SLC2A9: variants seen among roughly 807,000 people sequenced by gnomAD.
SLC2A9 encodes solute carrier family 2, facilitated glucose transporter member 9.
Under a neutral mutation model 50.6 loss-of-function variants are expected in SLC2A9, and 39 were observed. The observed-to-expected ratio is 0.77, with a 90% CI of 0.60 to 1.01. SLC2A9 has a LOEUF of 1.01. Ranked by LOEUF, SLC2A9 falls within the 50% of genes least tolerant of loss-of-function variation. The pLI, the probability that SLC2A9 is intolerant of heterozygous loss-of-function variation, is 0.00. For missense variants in SLC2A9, 686 were observed against 677.6 expected (o/e 1.01, Z -0.14); for synonymous variants, 324 against 276.9 (o/e 1.17, Z -1.69).
downstream of SLC2A9, among the ~76,000 whole-genome samples, chr4:9,823,736 A>G (rs937342953): frequency 8.5e-5 from 13 of 152,230 alleles, 1 homozygote; most frequent in Non-Finnish European, 1.3e-4. Flanking sequence ...ACTGGAGTAA[A>G]TATCAGAGTA....
At chr4:9,919,466 C>T (rs1246800217) in intron 7 of SLC2A9, among the ~76,000 whole-genome samples, 1 of 152,186 alleles carries the variant, frequency 6.6e-6, no homozygotes, top group African/African-American at 2.4e-5. Flanking sequence ...CTCCCCTTCA[C>T]ATCACCTTCC....
chr4:9,992,150 C>G (rs1447555958), intron 3 of SLC2A9, among the ~76,000 whole-genome samples: 1 of 152,180 alleles, frequency 6.6e-6, no homozygotes, highest in Non-Finnish European at 1.5e-5. Context: ...GGAGGAGTTC[C>G]TCAAATTTCC....
intron 5 of SLC2A9, among the ~76,000 whole-genome samples, chr4:9,978,495 A>G (rs1373579404): frequency 6.6e-6 from 1 of 152,190 alleles, no homozygotes; most frequent in African/African-American, 2.4e-5. Context: ...TTGACTTTTA[A>G]ATGTATTTTT....
chr4:10,010,895 C>T lies in SLC2A9; in HGVS notation c.249+8080G>A, dbSNP rs551132811. 4.6e-5 allele frequency among the ~76,000 whole-genome samples: 7 copies of T among 152,212 alleles called. No homozygotes were observed. In the East Asian group the frequency reaches 5.8e-4, roughly 13 times the overall value. On this transcript the variant is annotated intron_variant, in intron 2 of 11. Transcript: ENST00000264784. ...CTCAACTTTGGTCCTTTTTTCTTGGCGACTTTTCTTAATGTCCATCCCCCA... is the reference window on the plus strand; with the variant it reads ...CTCAACTTTGGTCCTTTTTTCTTGGTGACTTTTCTTAATGTCCATCCCCCA...
chr4:9,794,344 TG>T (rs1385640113), downstream of SLC2A9, among the ~76,000 whole-genome samples: 5 of 152,156 alleles, frequency 3.3e-5, no homozygotes, highest in African/African-American at 1.2e-4. Flanking sequence ...TTAGTAGAGA[TG>T]GGGTTTCACC....
At chr4:9,810,192 A>G (rs1369152975) in intron 3 of SLC2A9, among the ~76,000 whole-genome samples, 5 of 152,064 alleles carry the variant, frequency 3.3e-5, no homozygotes. Context: ...CTTTACCACC[A>G]TATGTCCAAC....
chr4:9,781,948 C>A, intron 3 of SLC2A9: 2 of 1,234,462 alleles, frequency 1.6e-6, no homozygotes, highest in East Asian at 2.8e-5. Flanking sequence ...GGCGCATCCT[C>A]GGGGTGCCCG....
intron 6 of SLC2A9, among the ~76,000 whole-genome samples, chr4:9,939,571 T>C (rs1270229012): frequency 6.6e-6 from 1 of 151,986 alleles, no homozygotes; most frequent in Non-Finnish European, 1.5e-5. Flanking sequence ...CTTTATGTCC[T>C]TGGCCAAGTT....
At chr4:9,779,416 C>A (rs193200220), downstream of SLC2A9, among the ~76,000 whole-genome samples, 535 of 138,688 alleles carry the variant, frequency 3.9e-3, 2 homozygotes, top group Non-Finnish European at 3.3e-3. Flanking sequence ...AGACTTTAAA[C>A]TTTTTTTTTT....
intron 10 of SLC2A9, among the ~76,000 whole-genome samples, chr4:9,882,144 C>G (rs552498384): frequency 6.6e-6 from 1 of 152,336 alleles, no homozygotes; most frequent in South Asian, 2.1e-4. Context: ...GATCTGACAA[C>G]TAGAAACAAA....
intron 8 of SLC2A9, among the ~76,000 whole-genome samples, chr4:9,893,188 C>T (rs1007609489): frequency 6.6e-6 from 1 of 152,118 alleles, no homozygotes; most frequent in African/African-American, 2.4e-5. Context: ...CTCCCGGACC[C>T]GAACAAGGGC....
At chr4:10,038,894 T>G (rs946740294) in intron 1 of SLC2A9, among the ~76,000 whole-genome samples, 2 of 152,142 alleles carry the variant, frequency 1.3e-5, no homozygotes, top group African/African-American at 2.4e-5. Flanking sequence ...TAGAGCAGGA[T>G]CAACATTTTT....
intron 3 of SLC2A9, chr4:9,783,777 C>A: frequency 3.7e-6 from 1 of 268,580 alleles, no homozygotes; most frequent in Non-Finnish European, 7.5e-6. Context: ...CTCTCCCCTC[C>A]CTTTTTAAAC....
At chr4:9,771,292 T>C (rs1716783752) in exon 2 of SLC2A9, 1 of 387,976 alleles carries the variant, frequency 2.6e-6, no homozygotes, top group African/African-American at 2.1e-5. Context: ...TGCAGGTCAA[T>C]GGGAGTTTCC....
chr4:9,794,111 G>A (rs1443334911), downstream of SLC2A9, among the ~76,000 whole-genome samples: 1 of 151,514 alleles, frequency 6.6e-6, no homozygotes, highest in Admixed American at 6.6e-5. Flanking sequence ...CATATCATAT[G>A]CCACATTAGG....
chr4:9,853,706 C>T (rs1290882350), intron 10 of SLC2A9, among the ~76,000 whole-genome samples: 1 of 151,962 alleles, frequency 6.6e-6, no homozygotes, highest in Non-Finnish European at 1.5e-5. Context: ...ACATTCTTCT[C>T]ATTTGCACAT....
At chr4:9,909,625 C>T (rs190778174) in intron 7 of SLC2A9, among the ~76,000 whole-genome samples, 1 of 152,288 alleles carries the variant, frequency 6.6e-6, no homozygotes, top group Non-Finnish European at 1.5e-5. Flanking sequence ...TTTTGCCTGT[C>T]CCATGAGGTG....
chr4:10,039,764 C>T (rs376425462), intron 1 of SLC2A9, among the ~76,000 whole-genome samples: 1 of 152,218 alleles, frequency 6.6e-6, no homozygotes, highest in African/African-American at 2.4e-5. Context: ...TACAGCATCC[C>T]TGGAGTCATC....
At chr4:9,814,509 G>T (rs1289622550) in intron 3 of SLC2A9, among the ~76,000 whole-genome samples, 1 of 152,186 alleles carries the variant, frequency 6.6e-6, no homozygotes, top group Admixed American at 6.5e-5. Flanking sequence ...CATGCCAAAA[G>T]TTGGTGGCTT....
Sources: allele counts gnomAD v4.1 joint callset (sites outside exome capture counted in the v4.1 genomes callset), GRCh38; gene constraint gnomAD v4.1.1; transcripts MANE v1.5; gene names NCBI Gene and HGNC (gene_info 2026-07-23, HGNC 2026-07-21).